The following ADAMTSL1 variants were observed in gnomAD, a reference collection of about 807,000 sequenced individuals.
ADAMTSL1 encodes the protein ADAMTS like 1.
A neutral mutation model predicts 201.8 loss-of-function variants in ADAMTSL1; 126 were observed. That is an observed-to-expected ratio of 0.62 (90% confidence interval 0.54 to 0.72). ADAMTSL1 has a LOEUF of 0.72. Among genes scored for constraint, ADAMTSL1 ranks in the 30% least tolerant of loss-of-function variants. ADAMTSL1 has a pLI of 0.00. For missense variants in ADAMTSL1, 2,679 were observed against 2,277.8 expected, an observed-to-expected ratio of 1.18 and a Z score of -3.59; for synonymous variants, 1,121 against 903.4, an observed-to-expected ratio of 1.24 and a Z score of -4.32.
At chr9:18,806,365 A>G (rs1275000936) in intron 20 of ADAMTSL1, among the ~76,000 whole-genome samples, 1 of 152,194 alleles carries the variant, frequency 6.6e-6, no homozygotes, top group Non-Finnish European at 1.5e-5. Context: ...CTAACTGCAA[A>G]AAGGCTGGAA....
At chr9:18,477,180 C>T (rs543361391) in intron 1 of ADAMTSL1, among the ~76,000 whole-genome samples, 30 of 152,272 alleles carry the variant, frequency 2.0e-4, no homozygotes, top group African/African-American at 7.0e-4. Context: ...GTGGCAAAAA[C>T]CATGACCGGC....
chr9:18,884,880 G>A (rs1031188093), intron 23 of ADAMTSL1, among the ~76,000 whole-genome samples: 2 of 151,974 alleles, frequency 1.3e-5, no homozygotes, highest in East Asian at 3.9e-4. Context: ...CTGGGTTTTT[G>A]ATATTCCATA....
intron 13 of ADAMTSL1, among the ~76,000 whole-genome samples, chr9:18,685,204 TA>T (rs1830755072): frequency 6.6e-6 from 1 of 152,232 alleles, no homozygotes; most frequent in African/African-American, 2.4e-5. Flanking sequence ...GCAAGTAAAG[TA>T]TACCTGAGGG....
At chr9:18,373,031 C>T (rs1030692402) in intron 2 of ADAMTSL1, among the ~76,000 whole-genome samples, 5 of 152,070 alleles carry the variant, frequency 3.3e-5, no homozygotes, top group Admixed American at 6.5e-5. Context: ...GGAGGCTAGC[C>T]GCATGATCCT....
intron 1 of ADAMTSL1, among the ~76,000 whole-genome samples, chr9:18,123,525 T>G (rs190748520): frequency 5.8e-4 from 89 of 152,326 alleles, no homozygotes; most frequent in African/African-American, 2.1e-3. Context: ...TAATATATAT[T>G]GTCTTTATTA....
chr9:18,872,447 T>C (rs1827924029), intron 23 of ADAMTSL1, among the ~76,000 whole-genome samples: 1 of 152,332 alleles, frequency 6.6e-6, no homozygotes, highest in African/African-American at 2.4e-5. Flanking sequence ...CCAAGCAGTG[T>C]GCACTGTACC....
chr9:17,921,669 C>G (rs1225791009), intron 1 of ADAMTSL1, among the ~76,000 whole-genome samples: 1 of 152,098 alleles, frequency 6.6e-6, no homozygotes, highest in Non-Finnish European at 1.5e-5. Flanking sequence ...AAATAAGACA[C>G]TGGTCAGAAT....
intron 19 of ADAMTSL1, among the ~76,000 whole-genome samples, chr9:18,781,188 T>C (rs1821371425): frequency 6.6e-6 from 1 of 151,256 alleles, no homozygotes; most frequent in Non-Finnish European, 1.5e-5. Context: ...ACTAAAGCAC[T>C]GGGCCTAGGC....
At chr9:18,157,023 C>A (rs1827186491) in intron 1 of ADAMTSL1, among the ~76,000 whole-genome samples, 1 of 151,978 alleles carries the variant, frequency 6.6e-6, no homozygotes, top group South Asian at 2.1e-4. Context: ...TCTCAAAACC[C>A]ATGTTCTCTC....
chr9:18,888,955 G>T (rs1226589179), intron 24 of ADAMTSL1, among the ~76,000 whole-genome samples: 1 of 152,164 alleles, frequency 6.6e-6, no homozygotes. Flanking sequence ...GGGCCTATTT[G>T]CAAGACTTGT....
intron 13 of ADAMTSL1, among the ~76,000 whole-genome samples, chr9:18,693,890 T>G (rs1831388913): frequency 6.6e-6 from 1 of 152,200 alleles, no homozygotes; most frequent in Non-Finnish European, 1.5e-5. Context: ...CATTAGTCTC[T>G]TCTCACATTG....
Position 18,889,641 on chromosome 9 carries a change from C to A in ADAMTSL1, c.4536C>A (p.Arg1512=). 1.2e-6 allele frequency: 2 copies of A among 1,613,106 alleles called. No homozygotes were observed. The highest frequency in any genetic ancestry group is 1.7e-6 in the Non-Finnish European group (2 of 1,179,522). Residue 1512 remains arginine (R), a synonymous_variant, in exon 25 of 29, where the codon CGC becomes CGA. Coordinates refer to ENST00000380548, the MANE Select transcript of ADAMTSL1 (RefSeq NM_001040272.6). ...SCGNRGVQQP[R]LRCLLNSTEV... is the part of the protein sequence containing the mutation. ...GTAACCGGGGGGTTCAGCAGCCCCGCTTGAGGTGCCTGCTGAACAGCACGG... is the reference window on the plus strand; with the variant it reads ...GTAACCGGGGGGTTCAGCAGCCCCGATTGAGGTGCCTGCTGAACAGCACGG...
chr9:18,224,442 C>G (rs1050373087), intron 2 of ADAMTSL1, among the ~76,000 whole-genome samples: 4 of 152,116 alleles, frequency 2.6e-5, no homozygotes, highest in Non-Finnish European at 5.9e-5. Context: ...AAAAGCCCAC[C>G]TCCCAACACT....
Position 18,639,351 on chromosome 9 carries a change from A to G in ADAMTSL1, c.774A>G (p.Lys258=). The change falls in exon 7 of 29, where the codon AAA becomes AAG. Residue 258 remains lysine, a synonymous_variant. Coordinates refer to ENST00000380548, the MANE Select transcript of ADAMTSL1 (RefSeq NM_001040272.6). ...ACAATTCTAGTGTGGACTTCCAGAAATTTCCAGACAAAGAGATACTGAGAA... is the reference window on the plus strand; with the variant it reads ...ACAATTCTAGTGTGGACTTCCAGAAGTTTCCAGACAAAGAGATACTGAGAA... ...LVDNSSVDFQ[K]FPDKEILRMA... The G allele has an allele frequency of 6.2e-7, 1 of 1,613,070 alleles. No individual in the cohort carries two copies. Among genetic ancestry groups the G allele is most frequent in the Non-Finnish European group, 8.5e-7 (1 of 1,179,312 alleles).
At chr9:18,230,183 C>T (rs2132403228) in intron 2 of ADAMTSL1, among the ~76,000 whole-genome samples, 1 of 152,260 alleles carries the variant, frequency 6.6e-6, no homozygotes, top group Middle Eastern at 3.4e-3. Context: ...GGTGAGACAT[C>T]TTTGTAGATG....
At chr9:18,125,976 T>A in intron 1 of ADAMTSL1, among the ~76,000 whole-genome samples, 1 of 152,264 alleles carries the variant, frequency 6.6e-6, no homozygotes, top group Middle Eastern at 3.4e-3. Flanking sequence ...AACTATTCAA[T>A]TGCAACTAGA....
At chr9:18,648,443 G>A (rs1002554324) in intron 7 of ADAMTSL1, among the ~76,000 whole-genome samples, 5 of 152,080 alleles carry the variant, frequency 3.3e-5, no homozygotes, top group African/African-American at 1.2e-4. Context: ...ATGTTAGCTG[G>A]TAATTTTCCT....
chr9:18,839,141 G>A lies in ADAMTSL1; in HGVS notation c.4249+9164G>A, dbSNP rs542471681. On this transcript the variant is annotated intron_variant, in intron 23 of 28. Coordinates refer to ENST00000380548, the MANE Select transcript of ADAMTSL1 (RefSeq NM_001040272.6). ...GCTGGTGTGCTGCACCCATTAACTCGTCATTTAGCATTAGGTATATCTCCT... is the reference window on the plus strand; with the variant it reads ...GCTGGTGTGCTGCACCCATTAACTCATCATTTAGCATTAGGTATATCTCCT... Among the ~76,000 whole-genome samples, 274 of 149,108 alleles carry A rather than the reference G, an allele frequency of 1.8e-3. 2 individuals carry two copies. Among genetic ancestry groups the A allele is most frequent in the Middle Eastern group, 7.1e-3 (2 of 280 alleles).
chr9:17,935,713 G>C (rs910780770), intron 1 of ADAMTSL1, among the ~76,000 whole-genome samples: 24 of 152,136 alleles, frequency 1.6e-4, no homozygotes, highest in Admixed American at 7.2e-4. Context: ...AATACCTCTA[G>C]CTGTTCTATC....
Sources: allele counts gnomAD v4.1 joint callset (sites outside exome capture counted in the v4.1 genomes callset), GRCh38; gene constraint gnomAD v4.1.1; transcripts MANE v1.5; gene names NCBI Gene and HGNC (gene_info 2026-07-23, HGNC 2026-07-21).